The following ABLIM2 variants were observed in gnomAD, a reference collection of about 807,000 sequenced individuals.
ABLIM2 encodes actin-binding LIM protein 2.
ABLIM2 carries 53 observed loss-of-function variants against 97.7 expected under a neutral mutation model. The observed-to-expected ratio is 0.54, with a 90% CI of 0.44 to 0.68. The LOEUF (loss-of-function observed/expected upper bound fraction) is 0.68. Ranked by LOEUF, ABLIM2 falls within the 30% of genes least tolerant of loss-of-function variation. The probability of loss-of-function intolerance (pLI) is 0.00; values close to 1 mark genes in which losing one functional copy is unlikely to be tolerated. For missense variants in ABLIM2, 835 were observed against 867.2 expected, an observed-to-expected ratio of 0.96 and a Z score of 0.47; for synonymous variants, 361 against 345.8, an observed-to-expected ratio of 1.04 and a Z score of -0.49.
At chr4:8,097,497 C>T (rs1334560901) in intron 2 of ABLIM2, among the ~76,000 whole-genome samples, 6 of 152,208 alleles carry the variant, frequency 3.9e-5, no homozygotes, top group African/African-American at 1.4e-4. Context: ...AGTGGACTTT[C>T]CTTACAGAAG....
In ABLIM2 at chr4:8,022,957, CCT is replaced by C. The variant is rs1421304557; in HGVS notation, c.1268-2656_1268-2655del. 1 of 155,360 alleles carries C rather than the reference CCT, an allele frequency of 6.4e-6. No homozygotes were observed. The highest frequency in any genetic ancestry group is 1.4e-5 in the Non-Finnish European group (1 of 69,794). The allele number at this position is 155,360 out of a possible 1,614,324, so 9.6% of individuals were successfully genotyped here. A position where few individuals can be genotyped will look rare whatever the true frequency, so the allele number is the denominator to read the frequency against. ...TCCTCCTCCTCCTCCTCTTCTTTTT[CCT>C]CTTCCTCCTCTGCCTCCTCTTCCTC... On this transcript the variant is annotated intron_variant, in intron 12 of 20. Coordinates refer to ENST00000447017, the MANE Select transcript of ABLIM2 (RefSeq NM_001130083.2). This position sits in a 1 kb window ranked among gnomAD's most constrained non-coding sequence, Gnocchi z 7.8.
At position 8,068,111 on chromosome 4, in the gene ABLIM2, T is replaced by A. The variant is rs1809244329; in HGVS notation, c.676-7057A>T. Among the ~76,000 whole-genome samples, 1 of 152,028 alleles carries A rather than the reference T, an allele frequency of 6.6e-6. No individual in the cohort carries two copies. The highest frequency in any genetic ancestry group is 1.5e-5 in the Non-Finnish European group (1 of 67,996). On this transcript the variant is annotated intron_variant, in intron 6 of 20. Transcript: ENST00000447017. The surrounding 1 kb of genome is among the most constrained non-coding windows in gnomAD (Gnocchi z 4.5). ...CCCAGTCATCGGTACAGTGGCCACATCCTCCCAATTGCCACCCGAGGAGTG... is the reference window on the plus strand; with the variant it reads ...CCCAGTCATCGGTACAGTGGCCACAACCTCCCAATTGCCACCCGAGGAGTG...
chr4:8,087,990 C>A lies in ABLIM2; in HGVS notation c.454+179G>T, dbSNP rs1824872062. ...AGCCCCCAACTCAGCACCCCCCCCA[C>A]AACCAGCAAGCCCCCACTTAGCATG... is the stretch of plus-strand genomic sequence containing the variant. On this transcript the variant is annotated intron_variant, in intron 4 of 20. Coordinates refer to ENST00000447017, the MANE Select transcript of ABLIM2 (RefSeq NM_001130083.2). This position sits in a 1 kb window ranked among gnomAD's most constrained non-coding sequence, Gnocchi z 4.6. 1.6e-5 allele frequency among the ~76,000 whole-genome samples: 2 copies of A among 121,410 alleles called. No homozygotes were observed. The allele number at this position is 121,410 out of a possible 152,430, so 79.6% of individuals were successfully genotyped here.
chr4:7,984,332 C>G (rs1222972516), intron 18 of ABLIM2, among the ~76,000 whole-genome samples: 3 of 152,186 alleles, frequency 2.0e-5, no homozygotes, highest in Non-Finnish European at 4.4e-5. Context: ...GCAAGGCTCC[C>G]CCGCCACTCG....
At chr4:8,141,035 A>G (rs1424205015) in intron 1 of ABLIM2, among the ~76,000 whole-genome samples, 1 of 152,030 alleles carries the variant, frequency 6.6e-6, no homozygotes, top group East Asian at 1.9e-4. Context: ...CAGGCCCCTG[A>G]GCTGCCCTTG....
rs532679318 is a variant in ABLIM2, at chr4:7,993,009, C to T, written c.1619-82G>A. ...GTGCAGCCCTGGGGGGGCTTCCCAC[C>T]GGGGTGGGCAAGGCTGGGCAAGCAA... On this transcript the variant is annotated intron_variant, in intron 16 of 20. Transcript: ENST00000447017. The T allele has an allele frequency of 3.1e-4, 461 of 1,483,960 alleles. 3 individuals are homozygous for T. The African/African-American group carries it at 5.5e-3, about 18-fold the overall frequency. 91.9% of individuals were successfully genotyped at this position (1,483,960 alleles called of 1,614,324 possible).
intron 3 of ABLIM2, among the ~76,000 whole-genome samples, chr4:8,091,799 AATATATT>A (rs1409324150): frequency 4.6e-5 from 3 of 64,518 alleles, no homozygotes; most frequent in Non-Finnish European, 5.1e-5. Context: ...TTATAGAATT[AATATATT>A]ATATATTATA....
chr4:8,050,772 G>A (rs1037712559), intron 8 of ABLIM2, among the ~76,000 whole-genome samples: 3 of 152,150 alleles, frequency 2.0e-5, no homozygotes, highest in African/African-American at 7.2e-5. Context: ...ACCGAGATGT[G>A]TATGAGAACC....
chr4:8,101,968 G>A (rs371248719), intron 2 of ABLIM2, among the ~76,000 whole-genome samples: 10 of 152,142 alleles, frequency 6.6e-5, no homozygotes, highest in Middle Eastern at 3.4e-3. Flanking sequence ...CATCCCAGCC[G>A]CCATTGGCTC....
Position 7,996,611 on chromosome 4 carries a change from C to G in ABLIM2, c.1619-3684G>C, listed in dbSNP as rs1753489436. On this transcript the variant is annotated intron_variant, in intron 16 of 20. Transcript: ENST00000447017. This position sits in a 1 kb window ranked among gnomAD's most constrained non-coding sequence, Gnocchi z 4.5. ...ATGTGATATAAGAATATGATTCTTT[C>G]CAAGAAGAGGGCTATTATGTTTTGT... 6.6e-6 allele frequency among the ~76,000 whole-genome samples: 1 copy of G among 152,218 alleles called. No homozygotes were observed. The highest frequency in any genetic ancestry group is 2.4e-5 in the African/African-American group (1 of 41,454).
chr4:8,115,491 A>T (rs2152824424), intron 1 of ABLIM2, among the ~76,000 whole-genome samples: 1 of 152,272 alleles, frequency 6.6e-6, no homozygotes, highest in East Asian at 1.9e-4. Flanking sequence ...TGCTTGGGGA[A>T]CAGGATGAAC....
rs1845890526 is a variant in ABLIM2 at position 8,122,423 on chromosome 4, G to C, written c.11-15786C>G. On this transcript the variant is annotated intron_variant, in intron 1 of 20. Coordinates refer to ENST00000447017, the MANE Select transcript of ABLIM2 (RefSeq NM_001130083.2). This position sits in a 1 kb window ranked among gnomAD's most constrained non-coding sequence, Gnocchi z 4.1. ...TATCTCCCACAGTTCTGGAGCCTAAGAGTCTGATATTAGGGCAGCAGCATG... is the reference window on the plus strand; with the variant it reads ...TATCTCCCACAGTTCTGGAGCCTAACAGTCTGATATTAGGGCAGCAGCATG... Among the ~76,000 whole-genome samples the C allele has an allele frequency of 6.6e-6, 1 of 152,242 alleles. No individual in the cohort carries two copies. The highest frequency in any genetic ancestry group is 2.4e-5 in the African/African-American group (1 of 41,460).
rs1270915842 is a variant in ABLIM2, at chr4:8,015,205, G to T, written c.1423+4413C>A. ...CAAAGTGCTGGGATTACAGGTGTGAGCCACCGTGCCCGGCTTGTCTTCCAC... is the reference window on the plus strand; with the variant it reads ...CAAAGTGCTGGGATTACAGGTGTGATCCACCGTGCCCGGCTTGTCTTCCAC... On this transcript the variant is annotated intron_variant, in intron 14 of 20. Coordinates refer to ENST00000447017, the MANE Select transcript of ABLIM2 (RefSeq NM_001130083.2). The surrounding 1 kb of genome is among the most constrained non-coding windows in gnomAD (Gnocchi z 4.6). 6.6e-6 allele frequency among the ~76,000 whole-genome samples: 1 copy of T among 152,158 alleles called. No homozygotes were observed. Among genetic ancestry groups the T allele is most frequent in the African/African-American group, 2.4e-5 (1 of 41,444 alleles).
intron 1 of ABLIM2, among the ~76,000 whole-genome samples, chr4:8,134,245 G>A (rs770629289): frequency 3.9e-5 from 6 of 152,232 alleles, no homozygotes; most frequent in African/African-American, 1.2e-4. Context: ...TGAGCTCTCA[G>A]GCAGCCCCAG....
rs1309894411 is a variant in ABLIM2, at chr4:8,158,557, T to C, written c.10+123A>G. The stretch of plus-strand genomic sequence containing the variant: ...GGGCTGCAAAATCCTGGAGCAAAAG[T>C]TGGGTGGAGCCGCTGGGTGATTTTC... On this transcript the variant is annotated intron_variant, in intron 1 of 20. Transcript: ENST00000447017. 31 of 1,253,612 alleles carry C rather than the reference T, an allele frequency of 2.5e-5. No homozygotes were observed. The South Asian group carries it at 4.1e-4, about 16-fold the overall frequency. 77.7% of individuals were successfully genotyped at this position (1,253,612 alleles called of 1,614,324 possible).
At chr4:8,009,451 C>T (rs559450724) in intron 14 of ABLIM2, among the ~76,000 whole-genome samples, 2 of 152,218 alleles carry the variant, frequency 1.3e-5, no homozygotes, top group South Asian at 4.2e-4. Flanking sequence ...GGCTGGAGTG[C>T]CATGGTGTGA....
intron 10 of ABLIM2, among the ~76,000 whole-genome samples, chr4:8,035,369 C>T (rs1423611861): frequency 3.3e-5 from 5 of 152,134 alleles, no homozygotes; most frequent in Non-Finnish European, 7.4e-5. Context: ...CTCTTGCTTC[C>T]CTGGAGGCCC....
intron 20 of ABLIM2, among the ~76,000 whole-genome samples, chr4:7,972,694 C>T (rs1353666284): frequency 6.6e-6 from 1 of 152,194 alleles, no homozygotes; most frequent in Non-Finnish European, 1.5e-5. Flanking sequence ...GCCTACGAGG[C>T]CCCTGCATTT....
intron 14 of ABLIM2, among the ~76,000 whole-genome samples, chr4:8,018,454 G>A (rs1278939387): frequency 4.6e-5 from 7 of 152,232 alleles, no homozygotes; most frequent in South Asian, 2.1e-4. Flanking sequence ...AGCCCATCCC[G>A]CTCTGATCCC....
Sources: gnomAD v4.1 joint callset for allele counts (sites outside exome capture counted in the v4.1 genomes callset) on GRCh38, gnomAD v4.1.1 for gene constraint, Gnocchi (gnomAD v3.1) non-coding constraint, MANE v1.5 for transcripts, NCBI Gene and HGNC (gene_info 2026-07-23, HGNC 2026-07-21) for gene names.